MRS2: variants seen among roughly 807,000 people sequenced by gnomAD.
The protein encoded by MRS2 is magnesium transporter MRS2 homolog, mitochondrial.
Under a neutral mutation model 52.6 loss-of-function variants are expected in MRS2, and 40 were observed. That is an observed-to-expected ratio of 0.76 (90% CI 0.59 to 0.99). The LOEUF (loss-of-function observed/expected upper bound fraction) is 0.99. MRS2 is among the 50% of genes least tolerant of loss of function. The pLI is 0.00. For synonymous variants in MRS2, 193 were observed against 195.9 expected, an observed-to-expected ratio of 0.98 and a Z score of 0.13; for missense variants, 472 against 532.7, an observed-to-expected ratio of 0.89 and a Z score of 1.12.
Position 24,403,027 on chromosome 6 carries a change from C to G in MRS2, c.-20C>G, listed in dbSNP as rs770006697. 6.4e-7 allele frequency: 1 copy of G among 1,568,636 alleles called. No individual in the cohort carries two copies. The highest frequency in any genetic ancestry group is 1.2e-5 in the South Asian group (1 of 84,238). On this transcript the variant is annotated 5_prime_UTR_variant, in exon 1 of 11. Coordinates refer to ENST00000378386, the MANE Select transcript of MRS2 (RefSeq NM_020662.4). ...TGAAGGTCTGGGGTCTGGCTGCTGC[C>G]TGCTTCTTGCTCCAGCACCATGGAA...
At chr6:24,407,645 G>A (rs1490992990) in intron 2 of MRS2, among the ~76,000 whole-genome samples, 1 of 152,122 alleles carries the variant, frequency 6.6e-6, no homozygotes, top group African/African-American at 2.4e-5. Context: ...ATCAGAAGGG[G>A]TTCTGTAAAT....
rs778049425 is a variant in MRS2 at position 24,416,394 on chromosome 6, T to C, written c.720-3T>C. The C allele has an allele frequency of 4.3e-6, 5 of 1,155,802 alleles. No individual in the cohort carries two copies. In the South Asian group the frequency reaches 6.3e-5, roughly 15 times the overall value. 71.6% of individuals were successfully genotyped at this position (1,155,802 alleles called of 1,614,324 possible). ...ATCATTTTTGTGTATCTATTTCTTA[T>C]AGTCTATCAGAGTTAGAAACAGATA... On this transcript the variant is annotated splice_polypyrimidine_tract_variant and splice_region_variant and intron_variant, in intron 6 of 10. Coordinates refer to ENST00000378386, the MANE Select transcript of MRS2 (RefSeq NM_020662.4).
rs1561817287 is a variant in MRS2, at chr6:24,423,684, C to T, written c.1322C>T (p.Thr441Ile). The T allele has an allele frequency of 3.1e-6, 5 of 1,601,284 alleles. No individual in the cohort carries two copies. Among genetic ancestry groups the T allele is most frequent in the African/African-American group, 1.3e-5 (1 of 74,546 alleles). ...CTTGGATCAGGAAGGAGCATCCTAA[C>T]AAACCGTTAGGAACAGCCCCGTGGA... The part of the protein sequence containing the change: ...DGLGSGRSIL[T>I]NR The change falls in exon 11 of 11, where the codon ACA becomes ATA. Residue 441 changes from threonine (T) to isoleucine (I), a missense_variant. By Grantham distance (89) the Thr-to-Ile change is moderately conservative. Coordinates refer to ENST00000378386, the MANE Select transcript of MRS2 (RefSeq NM_020662.4).
At chr6:24,418,282 ATAAG>A in intron 8 of MRS2, 46 bp downstream of exon 8, 1 of 1,473,606 alleles carries the variant, frequency 6.8e-7, no homozygotes, top group Non-Finnish European at 9.1e-7. Flanking sequence ...TAAAATAATT[ATAAG>A]AAAGTTTTTA....
At chr6:24,410,330 TA>T (rs1383306078) in intron 4 of MRS2, among the ~76,000 whole-genome samples, 5 of 152,176 alleles carry the variant, frequency 3.3e-5, no homozygotes, top group African/African-American at 9.7e-5. Context: ...TATTTTCCCT[TA>T]CCTATTCAGA....
Position 24,418,481 on chromosome 6 carries a change from G to A in MRS2, c.1010G>A (p.Arg337Lys), listed in dbSNP as rs780818489. The change falls in exon 9 of 11, where the codon AGG (arginine) becomes AAG (lysine). Residue 337 changes from arginine (R) to lysine (K), a missense_variant. By Grantham distance (26) the Arg-to-Lys change is conservative. Transcript: ENST00000378386. ...NLDSHRNVMM[R>K]LNLQLTMGTF... ...TCCAGCCACCGAAACGTGATGATGAGGTTGAATCTACAGCTGACCATGGGA... is the reference window on the plus strand; with the variant it reads ...TCCAGCCACCGAAACGTGATGATGAAGTTGAATCTACAGCTGACCATGGGA... The A allele has an allele frequency of 6.2e-7, 1 of 1,614,050 alleles. No homozygotes were observed. Among genetic ancestry groups the A allele is most frequent in the Non-Finnish European group, 8.5e-7 (1 of 1,179,988 alleles).
chr6:24,422,965 G>T lies in MRS2; in HGVS notation c.1136G>T (p.Gly379Val), dbSNP rs1372871997. The change falls in exon 10 of 11, where the codon GGA (glycine) becomes GTA (valine). Residue 379 changes from glycine (G) to valine (V), a missense_variant. By Grantham distance (109) the Gly-to-Val change is moderately radical. Transcript: ENST00000378386. Reference sequence around the variant, plus strand: ...CATAGAATTTTTTGGCTGATTACAGGAATTATGTTCATGGGAAGTGGCCTC... The same window carrying T: ...CATAGAATTTTTTGGCTGATTACAGTAATTATGTTCATGGGAAGTGGCCTC... ...EDHRIFWLIT[G>V]IMFMGSGLIW... is the part of the protein sequence containing the mutation. The T allele has an allele frequency of 1.2e-6, 2 of 1,613,942 alleles. No individual in the cohort carries two copies. The highest frequency in any genetic ancestry group is 1.6e-4 in the Middle Eastern group (1 of 6,062).
Position 24,403,163 on chromosome 6 carries a change from C to T in MRS2, c.117C>T (p.Cys39=), listed in dbSNP as rs1379344477. ...VTSVGPPVAA[C]GRRANLIGRS... is the part of the protein sequence containing the mutation. ...CTGTGGGTCCTCCCGTTGCTGCCTG[C>T]GGCCGCCGAGCCAACCTGATTGGAA... The change falls in exon 1 of 11, where the codon TGC becomes TGT. Residue 39 remains cysteine, a synonymous_variant. Coordinates refer to ENST00000378386, the MANE Select transcript of MRS2 (RefSeq NM_020662.4). 6.2e-7 allele frequency: 1 copy of T among 1,608,844 alleles called. No individual in the cohort carries two copies.
intron 9 of MRS2, among the ~76,000 whole-genome samples, chr6:24,421,330 T>C (rs986324282): frequency 1.3e-5 from 2 of 152,230 alleles, no homozygotes; most frequent in African/African-American, 2.4e-5. Context: ...CTACGCTTGC[T>C]CAGTAGTAGG....
chr6:24,423,012 T>C lies in MRS2; in HGVS notation c.1183T>C (p.Phe395Leu). 6.2e-7 allele frequency: 1 copy of C among 1,614,146 alleles called. No homozygotes were observed. The highest frequency in any genetic ancestry group is 8.5e-7 in the Non-Finnish European group (1 of 1,180,006). Residue 395 changes from phenylalanine (F) to leucine (L), a missense_variant, in exon 10 of 11, where the codon TTC becomes CTC. Phe to Leu is a conservative substitution (Grantham distance 22). Coordinates refer to ENST00000378386, the MANE Select transcript of MRS2 (RefSeq NM_020662.4). ...SGLIWRRLLS[F>L]LGRQLEAPLP... is the part of the protein sequence containing the mutation. ...CCTCATCTGGAGGCGCCTGCTTTCA[T>C]TCCTTGGACGACAGCTAGAAGCTCC... is the stretch of plus-strand genomic sequence containing the variant.
intron 10 of MRS2, 130 bp downstream of exon 10, chr6:24,423,180 G>A (rs1762110983): frequency 3.0e-6 from 2 of 673,414 alleles, no homozygotes; most frequent in Non-Finnish European, 2.6e-6. Flanking sequence ...ACTTCCTTCA[G>A]TTTCCCTATC....
At chr6:24,403,807 C>G (rs963583551) in intron 1 of MRS2, among the ~76,000 whole-genome samples, 1 of 152,032 alleles carries the variant, frequency 6.6e-6, no homozygotes, top group African/African-American at 2.4e-5. Flanking sequence ...TCGTTATGGA[C>G]ACATTTATAC....
At chr6:24,405,639 AAATG>A (rs1761443473) in intron 2 of MRS2, among the ~76,000 whole-genome samples, 4 of 151,618 alleles carry the variant, frequency 2.6e-5, no homozygotes, top group Admixed American at 2.6e-4. Flanking sequence ...ATGAGGGGGG[AAATG>A]AATGAATAAG....
rs749448794 is a variant in MRS2 at position 24,403,197 on chromosome 6, G to A, written c.151G>A (p.Ala51Thr). The change falls in exon 1 of 11, where the codon GCG becomes ACG. Residue 51 changes from alanine (A) to threonine (T), a missense_variant. Transcript: ENST00000378386. ...RRANLIGRSR[A>T]AQLCGPDRLR... ...AGCCAACCTGATTGGAAGGAGCCGA[G>A]CGGCGCAGCTTTGCGGGCCCGACCG... The A allele has an allele frequency of 6.2e-7, 1 of 1,604,064 alleles. No individual in the cohort carries two copies. Among genetic ancestry groups the A allele is most frequent in the Non-Finnish European group, 8.5e-7 (1 of 1,179,616 alleles).
At chr6:24,423,365 A>G (rs921294075) in intron 10 of MRS2, 1 of 488,678 alleles carries the variant, frequency 2.0e-6, no homozygotes, top group African/African-American at 1.9e-5. Flanking sequence ...GGTTTGTCAT[A>G]ACCAAATGGA....
intron 2 of MRS2, 101 bp from the exon 3 acceptor site, chr6:24,408,307 T>C (rs916445052): frequency 4.0e-6 from 3 of 741,638 alleles, no homozygotes; most frequent in Non-Finnish European, 7.1e-6. Context: ...ATTTTGGGGA[T>C]ATTACTTACA....
At chr6:24,420,574 A>G (rs1021038924) in intron 9 of MRS2, among the ~76,000 whole-genome samples, 4 of 152,166 alleles carry the variant, frequency 2.6e-5, no homozygotes, top group Non-Finnish European at 4.4e-5. Context: ...AGTGGAGGAG[A>G]GAGTTCATAA....
At chr6:24,415,773 T>A (rs895443824) in intron 6 of MRS2, among the ~76,000 whole-genome samples, 1 of 152,210 alleles carries the variant, frequency 6.6e-6, no homozygotes, top group Admixed American at 6.5e-5. Context: ...GTTTCTGAGA[T>A]AAGTAATGTA....
Position 24,402,956 on chromosome 6 carries a change from G to C in MRS2, c.-91G>C. ...GGTGCACAGAGTCTGCAGGTCGGGC[G>C]GTAGCGACAGGTCAGAGCTGCGGCC... is the stretch of plus-strand genomic sequence containing the variant. On this transcript the variant is annotated 5_prime_UTR_variant, in exon 1 of 11. Transcript: ENST00000378386. 8.1e-7 allele frequency: 1 copy of C among 1,239,582 alleles called. No individual in the cohort carries two copies. Among genetic ancestry groups the C allele is most frequent in the Non-Finnish European group, 1.1e-6 (1 of 907,250 alleles). The allele number at this position is 1,239,582 out of a possible 1,614,324, so 76.8% of individuals were successfully genotyped here.
Sources: gnomAD v4.1 joint callset for allele counts (sites outside exome capture counted in the v4.1 genomes callset) on GRCh38, gnomAD v4.1.1 for gene constraint, MANE v1.5 for transcripts, NCBI Gene and HGNC (gene_info 2026-07-23, HGNC 2026-07-21) for gene names.